The following CARF variants were observed in gnomAD, a reference collection of about 807,000 sequenced individuals.
CARF encodes the protein calcium responsive transcription factor.
A neutral mutation model predicts 82.0 loss-of-function variants in CARF; 57 were observed. The observed-to-expected ratio is 0.70, with a 90% CI of 0.56 to 0.87. The LOEUF (loss-of-function observed/expected upper bound fraction) is 0.87, where lower values mean the gene tolerates loss of function less well. CARF is among the 40% of genes least tolerant of loss of function. The pLI is 0.00. For missense variants in CARF, 771 were observed against 855.8 expected (o/e 0.90, Z 1.24); for synonymous variants, 268 against 290.1 (o/e 0.92, Z 0.77).
chr2:202,955,759 G>A lies in CARF; in HGVS notation c.642+1G>A, dbSNP rs1559239236. The stretch of plus-strand genomic sequence containing the variant: ...GGCCTGCCGTCTTAGGAGCTGTGAG[G>A]TGAGTTATAAATAATCATTACCTAG... On this transcript the variant is annotated splice_donor_variant, in intron 8 of 16. Coordinates refer to ENST00000438828, the MANE Select transcript of CARF (RefSeq NM_024744.17). LOFTEE classifies it high-confidence loss of function. The A allele has an allele frequency of 1.2e-6, 2 of 1,606,376 alleles. No individual in the cohort carries two copies. The highest frequency in any genetic ancestry group is 1.7e-5 in the Admixed American group (1 of 58,986).
At chr2:202,965,567 T>G (rs2059513404) in intron 9 of CARF, among the ~76,000 whole-genome samples, 1 of 152,096 alleles carries the variant, frequency 6.6e-6, no homozygotes. Flanking sequence ...TTATTTATGA[T>G]TGTTTGTAGT....
chr2:202,930,166 G>T (rs1692629972), intron 3 of CARF, among the ~76,000 whole-genome samples: 2 of 152,100 alleles, frequency 1.3e-5, no homozygotes. Flanking sequence ...TCATGCCTTA[G>T]CCTCCTGAAT....
intron 13 of CARF, among the ~76,000 whole-genome samples, chr2:202,975,205 C>T (rs2059976224): frequency 6.6e-6 from 1 of 152,150 alleles, no homozygotes; most frequent in African/African-American, 2.4e-5. Flanking sequence ...CCTGTAATCC[C>T]AGCACTTTGG....
At chr2:202,913,641 G>T (rs3910067) in intron 1 of CARF, among the ~76,000 whole-genome samples, 2 of 152,134 alleles carry the variant, frequency 1.3e-5, no homozygotes, top group South Asian at 2.1e-4. Context: ...GTAGTGGTGA[G>T]GATTTACACA....
chr2:202,980,705 C>T (rs2060228342), intron 14 of CARF, among the ~76,000 whole-genome samples: 1 of 134,178 alleles, frequency 7.5e-6, no homozygotes, highest in African/African-American at 2.9e-5. Context: ...ATGGCTTCAA[C>T]AAACTGCTGA....
intron 3 of CARF, among the ~76,000 whole-genome samples, chr2:202,931,144 C>T (rs1467791207): frequency 3.3e-5 from 5 of 151,536 alleles, no homozygotes; most frequent in Non-Finnish European, 7.4e-5. Context: ...CGGCTAATTT[C>T]ATATTTTTAG....
At chr2:202,950,737 T>C (rs1448036002) in intron 5 of CARF, among the ~76,000 whole-genome samples, 2 of 152,194 alleles carry the variant, frequency 1.3e-5, no homozygotes, top group African/African-American at 4.8e-5. Flanking sequence ...ATACTTGAGA[T>C]ACACGTGATG....
In CARF at chr2:202,967,052, C is replaced by T. The variant is rs1304891156; in HGVS notation, c.907C>T (p.Gln303Ter). The part of the protein sequence containing the change: ...KGFQLKKVSE[Q>*]ESRSCQLYKA... ...TTTCCAGTTAAAAAAAGTCAGTGAG[C>T]AGGAAAGCAGGTCTTGTCAGCTCTA... is the stretch of plus-strand genomic sequence containing the variant. The change falls in exon 10 of 17, where the codon CAG (glutamine) becomes TAG (stop). Residue 303 changes from glutamine to a stop codon, truncating the protein, a stop_gained. Coordinates refer to ENST00000438828, the MANE Select transcript of CARF (RefSeq NM_024744.17). LOFTEE classifies it high-confidence loss of function. The T allele has an allele frequency of 6.2e-7, 1 of 1,614,016 alleles. No individual in the cohort carries two copies. Among genetic ancestry groups the T allele is most frequent in the Non-Finnish European group, 8.5e-7 (1 of 1,179,980 alleles).
At chr2:202,945,152 C>T (rs1423073007) in intron 5 of CARF, among the ~76,000 whole-genome samples, 1 of 152,112 alleles carries the variant, frequency 6.6e-6, no homozygotes, top group African/African-American at 2.4e-5. Flanking sequence ...TTTCAGTGGA[C>T]TGTATTTTTT....
In CARF at chr2:202,954,111, A is replaced by C. The variant is rs757757668; in HGVS notation, c.534A>C (p.Pro178=). The C allele has an allele frequency of 1.9e-6, 3 of 1,612,986 alleles. No individual in the cohort carries two copies. The highest frequency in any genetic ancestry group is 2.7e-5 in the African/African-American group (2 of 74,878). ...TTCTTCATCCTCAAACATCCTTCCC[A>C]TTGCCCAAAAAGTCAGTGACCGGGT... The part of the protein sequence containing the change: ...NYILHPQTSF[P]LPKKSVTGML... The change falls in exon 7 of 17, where the codon CCA becomes CCC. Residue 178 remains proline (P), a synonymous_variant. Transcript: ENST00000438828.
chr2:202,976,409 C>T (rs901615207), intron 13 of CARF, among the ~76,000 whole-genome samples: 1 of 151,506 alleles, frequency 6.6e-6, no homozygotes, highest in Admixed American at 6.6e-5. Flanking sequence ...CCTGACCTCA[C>T]GTGATCTGCC....
intron 10 of CARF, among the ~76,000 whole-genome samples, chr2:202,967,867 A>G (rs915034427): frequency 3.3e-5 from 5 of 152,350 alleles, no homozygotes; most frequent in East Asian, 1.9e-4. Context: ...AGTTTTAGAT[A>G]GATTAGGACT....
Position 202,982,061 on chromosome 2 carries a change from T to C in CARF, c.1690-11T>C. Reference sequence around the variant, plus strand: ...TTCAAACATTTTGATGTACTCTTTTTGGTTTAAAAGGGTTTGCAGTTACAA... The same window carrying C: ...TTCAAACATTTTGATGTACTCTTTTCGGTTTAAAAGGGTTTGCAGTTACAA... On this transcript the variant is annotated splice_polypyrimidine_tract_variant and intron_variant, in intron 15 of 16. Transcript: ENST00000438828. 1 of 1,607,184 alleles carries C rather than the reference T, an allele frequency of 6.2e-7. No homozygotes were observed. Among genetic ancestry groups the C allele is most frequent in the Non-Finnish European group, 8.5e-7 (1 of 1,178,294 alleles).
chr2:202,981,089 A>G (rs894708699), intron 14 of CARF, among the ~76,000 whole-genome samples: 1 of 152,182 alleles, frequency 6.6e-6, no homozygotes, highest in Non-Finnish European at 1.5e-5. Flanking sequence ...TTCTGCAAAT[A>G]GTGGGCTACA....
intron 9 of CARF, among the ~76,000 whole-genome samples, chr2:202,964,883 G>GTATA (rs150006525): frequency 0.37 from 53,216 of 144,690 alleles, 10,806 homozygotes; most frequent in Middle Eastern, 0.53. Flanking sequence ...ACATATATGT[G>GTATA]TATATATATA....
chr2:202,926,110 A>G (rs1559190858), intron 3 of CARF, among the ~76,000 whole-genome samples: 4 of 151,854 alleles, frequency 2.6e-5, no homozygotes. Flanking sequence ...TGCCACTGCA[A>G]CTCCTCCCAG....
At chr2:202,952,411 G>T (rs2105845587) in intron 5 of CARF, 148 bp from the exon 6 acceptor site, 2 of 734,112 alleles carry the variant, frequency 2.7e-6, no homozygotes, top group East Asian at 5.9e-5. Flanking sequence ...AAATGTTTAT[G>T]TGCCTCAATG....
At chr2:202,950,311 A>G (rs2058698460) in intron 5 of CARF, among the ~76,000 whole-genome samples, 4 of 152,218 alleles carry the variant, frequency 2.6e-5, no homozygotes, top group Admixed American at 2.6e-4. Context: ...AAACTTGTAT[A>G]TGATTGAATA....
At chr2:202,953,033 T>G (rs1257523414) in intron 6 of CARF, among the ~76,000 whole-genome samples, 1 of 152,162 alleles carries the variant, frequency 6.6e-6, no homozygotes, top group African/African-American at 2.4e-5. Flanking sequence ...TCTTTTTTTT[T>G]GGAGGCAGAG....
Sources: gnomAD v4.1 joint callset for allele counts (sites outside exome capture counted in the v4.1 genomes callset) on GRCh38, gnomAD v4.1.1 for gene constraint, MANE v1.5 for transcripts, NCBI Gene and HGNC (gene_info 2026-07-23, HGNC 2026-07-21) for gene names.